The following GABBR2 variants were observed in gnomAD, a reference collection of about 807,000 sequenced individuals.
The protein encoded by GABBR2 is G-protein coupled receptor 51.
Under a neutral mutation model 105.6 loss-of-function variants are expected in GABBR2, and 23 were observed. The observed-to-expected ratio is 0.22, with a 90% confidence interval of 0.16 to 0.31. The LOEUF is 0.31. Among genes scored for constraint, GABBR2 ranks in the 10% least tolerant of loss-of-function variants. GABBR2 has a pLI of 1.00. For missense variants in GABBR2, 734 were observed against 1,245.5 expected (o/e 0.59, Z 6.18); for synonymous variants, 478 against 499.7 (o/e 0.96, Z 0.58).
intron 1 of GABBR2, among the ~76,000 whole-genome samples, chr9:98,662,179 A>G (rs1402942347): frequency 6.6e-6 from 1 of 152,190 alleles, no homozygotes; most frequent in Non-Finnish European, 1.5e-5. Context: ...AGCAAAATCT[A>G]ATATGAGATT....
intron 7 of GABBR2, among the ~76,000 whole-genome samples, chr9:98,421,473 C>T (rs1832781791): frequency 6.6e-6 from 1 of 152,094 alleles, no homozygotes; most frequent in Non-Finnish European, 1.5e-5. Context: ...GTTTCAATTT[C>T]TGTGCATTAC....
chr9:98,463,103 G>C (rs1213616155), intron 6 of GABBR2, among the ~76,000 whole-genome samples: 1 of 152,150 alleles, frequency 6.6e-6, no homozygotes, highest in East Asian at 1.9e-4. Flanking sequence ...TGGCCAGGCT[G>C]GTCTTGAACT....
chr9:98,539,675 T>C (rs1828251854), intron 3 of GABBR2, among the ~76,000 whole-genome samples: 1 of 151,976 alleles, frequency 6.6e-6, no homozygotes. Context: ...GGGAGCACTT[T>C]GGGAAGCTGA....
At chr9:98,543,572 C>T (rs1278587455) in intron 2 of GABBR2, among the ~76,000 whole-genome samples, 2 of 152,094 alleles carry the variant, frequency 1.3e-5, no homozygotes, top group African/African-American at 4.8e-5. Flanking sequence ...ACTATGTTGC[C>T]TAGTCTGGTT....
intron 1 of GABBR2, among the ~76,000 whole-genome samples, chr9:98,689,670 G>A (rs1451169567): frequency 6.6e-6 from 1 of 152,174 alleles, no homozygotes; most frequent in Non-Finnish European, 1.5e-5. Flanking sequence ...CGACGTCTCT[G>A]ACCAGCTTTT....
intron 6 of GABBR2, among the ~76,000 whole-genome samples, chr9:98,464,007 G>T (rs930546529): frequency 1.3e-5 from 2 of 152,236 alleles, no homozygotes; most frequent in Admixed American, 6.5e-5. Flanking sequence ...CCAGCCACCT[G>T]CCTTGGCCTC....
chr9:98,337,772 C>T (rs1831140899), intron 13 of GABBR2, among the ~76,000 whole-genome samples: 1 of 152,182 alleles, frequency 6.6e-6, no homozygotes, highest in Admixed American at 6.5e-5. Context: ...GGGGCGGTAG[C>T]TCACGCCTAT....
At chr9:98,396,433 G>C (rs1832291684) in intron 8 of GABBR2, among the ~76,000 whole-genome samples, 1 of 152,204 alleles carries the variant, frequency 6.6e-6, no homozygotes, top group African/African-American at 2.4e-5. Flanking sequence ...GAATCCCCTG[G>C]GCCACACTTC....
At chr9:98,320,494 C>T (rs948241051) in intron 13 of GABBR2, among the ~76,000 whole-genome samples, 1 of 152,042 alleles carries the variant, frequency 6.6e-6, no homozygotes, top group Non-Finnish European at 1.5e-5. Context: ...ACCCAAAGGA[C>T]TATAAATCAT....
In GABBR2 at chr9:98,606,900, C is replaced by T. The variant is rs1207066712; in HGVS notation, c.322-28828G>A. The T allele has an allele frequency of 5.0e-5, 31 of 617,258 alleles. 1 individual carries two copies. The South Asian group carries it at 5.4e-4, about 11-fold the overall frequency. 38.2% of individuals were successfully genotyped at this position (617,258 alleles called of 1,614,324 possible). ...CACCATGGGAGGTCTGATTGATCCA[C>T]ATGAATTCCTAGGCATTCAGACCTA... On this transcript the variant is annotated intron_variant, in intron 1 of 18. Coordinates refer to ENST00000259455, the MANE Select transcript of GABBR2 (RefSeq NM_005458.8).
intron 3 of GABBR2, among the ~76,000 whole-genome samples, chr9:98,502,713 G>A (rs890389957): frequency 6.6e-6 from 1 of 152,178 alleles, no homozygotes; most frequent in Admixed American, 6.5e-5. Flanking sequence ...CTGGGGTGCA[G>A]CCCCCAGTCA....
At chr9:98,505,189 T>C (rs553419551) in intron 3 of GABBR2, among the ~76,000 whole-genome samples, 1 of 152,394 alleles carries the variant, frequency 6.6e-6, no homozygotes, top group South Asian at 2.1e-4. Context: ...GGTGTATTTC[T>C]GCCTGTCCAA....
At chr9:98,571,063 G>A (rs2131773449) in intron 2 of GABBR2, among the ~76,000 whole-genome samples, 1 of 152,374 alleles carries the variant, frequency 6.6e-6, no homozygotes, top group Middle Eastern at 3.4e-3. Context: ...CTGCAGGCCG[G>A]GGGTGGGCAG....
intron 13 of GABBR2, among the ~76,000 whole-genome samples, chr9:98,319,641 T>C (rs933044096): frequency 1.3e-5 from 2 of 152,086 alleles, no homozygotes; most frequent in African/African-American, 4.8e-5. Flanking sequence ...AGGCCATGAA[T>C]GTCCTCTAGT....
intron 1 of GABBR2, among the ~76,000 whole-genome samples, chr9:98,611,845 T>C (rs1359824744): frequency 6.6e-6 from 1 of 152,220 alleles, no homozygotes; most frequent in Non-Finnish European, 1.5e-5. Context: ...GCTTCCCTGA[T>C]GCGCCCAAGG....
intron 1 of GABBR2, among the ~76,000 whole-genome samples, chr9:98,637,721 G>T (rs1452430304): frequency 6.6e-6 from 1 of 152,198 alleles, no homozygotes; most frequent in East Asian, 1.9e-4. Flanking sequence ...GAAAAGGCAA[G>T]AAAAAAGATT....
chr9:98,327,898 C>A (rs532824165), intron 13 of GABBR2, among the ~76,000 whole-genome samples: 1 of 151,172 alleles, frequency 6.6e-6, no homozygotes, highest in Non-Finnish European at 1.5e-5. Context: ...AATAAAACTG[C>A]AGAACTTTCC....
At chr9:98,584,133 C>G (rs549176772) in intron 1 of GABBR2, among the ~76,000 whole-genome samples, 1 of 152,250 alleles carries the variant, frequency 6.6e-6, no homozygotes, top group South Asian at 2.1e-4. Flanking sequence ...CCTTTCCCCC[C>G]ACCACACCTC....
At chr9:98,397,033 C>T (rs2131512387) in intron 8 of GABBR2, among the ~76,000 whole-genome samples, 1 of 152,260 alleles carries the variant, frequency 6.6e-6, no homozygotes, top group East Asian at 1.9e-4. Context: ...AGGTTAAGTA[C>T]CCACTCAGAG....
Sources: gnomAD v4.1 joint callset for allele counts (sites outside exome capture counted in the v4.1 genomes callset) on GRCh38, gnomAD v4.1.1 for gene constraint, MANE v1.5 for transcripts, NCBI Gene and HGNC (gene_info 2026-07-23, HGNC 2026-07-21) for gene names.